LYAR: variants seen among roughly 807,000 people sequenced by gnomAD.
LYAR encodes the protein cell growth-regulating nucleolar protein.
LYAR carries 37 observed loss-of-function variants against 45.2 expected under a neutral mutation model. The ratio of observed to expected loss-of-function variants is 0.82; its 90% CI spans 0.63 to 1.08. LYAR has a LOEUF of 1.08. Among genes scored for constraint, LYAR ranks in the 50% least tolerant of loss-of-function variants. The pLI, the probability that LYAR is intolerant of heterozygous loss-of-function variation, is 0.00. For missense variants in LYAR, 493 were observed against 451.0 expected, an observed-to-expected ratio of 1.09 and a Z score of -0.84; for synonymous variants, 176 against 155.1, an observed-to-expected ratio of 1.14 and a Z score of -1.00.
At chr4:4,280,496 G>A in intron 4 of LYAR, among the ~76,000 whole-genome samples, 1 of 152,244 alleles carries the variant, frequency 6.6e-6, no homozygotes, top group East Asian at 1.9e-4. Context: ...CAACAAAAAT[G>A]CAGATCTCAT....
At chr4:4,274,971 A>G (rs746544832) in intron 6 of LYAR, among the ~76,000 whole-genome samples, 8 of 152,192 alleles carry the variant, frequency 5.3e-5, no homozygotes, top group Non-Finnish European at 1.2e-4. Flanking sequence ...CCCCCAGTCC[A>G]CACCCCTCTG....
rs553655476 is a variant in LYAR, at chr4:4,279,012, G to A, written c.429+435C>T. On this transcript the variant is annotated intron_variant, in intron 6 of 9. Coordinates refer to ENST00000343470, the MANE Select transcript of LYAR (RefSeq NM_017816.3). Reference sequence around the variant, plus strand: ...AGTTTCTTCCTTTCCATAAATGAAGGCACTAAGAGGTTCTCTAAAAAAGAA... The same window carrying A: ...AGTTTCTTCCTTTCCATAAATGAAGACACTAAGAGGTTCTCTAAAAAAGAA... 3.2e-4 allele frequency among the ~76,000 whole-genome samples: 49 copies of A among 152,232 alleles called. 1 individual carries two copies. Among genetic ancestry groups the A allele is most frequent in the Admixed American group, 2.9e-3 (45 of 15,292 alleles).
chr4:4,267,969 G>C lies in LYAR; in HGVS notation c.1060C>G (p.Leu354Val). 1 of 1,612,818 alleles carries C rather than the reference G, an allele frequency of 6.2e-7. No individual in the cohort carries two copies. Among genetic ancestry groups the C allele is most frequent in the Non-Finnish European group, 8.5e-7 (1 of 1,179,648 alleles). Reference protein sequence around the residue: ...TDEHHRSEEELLVIFNKKISK... With the variant: ...TDEHHRSEEEVLVIFNKKISK... ...ATTTTCTTGTTAAAGATGACCAGGA[G>C]TTCCTCTTCGGATCTGTGATGCTCA... Residue 354 changes from leucine to valine, a missense_variant, in exon 10 of 10, where the codon CTC becomes GTC. Physicochemically the swap from Leu to Val is conservative, Grantham distance 32. Transcript: ENST00000343470.
At chr4:4,273,971 T>G (rs1719061302) in intron 7 of LYAR, among the ~76,000 whole-genome samples, 2 of 152,148 alleles carry the variant, frequency 1.3e-5, no homozygotes, top group African/African-American at 4.8e-5. Flanking sequence ...GTGCGGTAGC[T>G]CATGCCTGTA....
chr4:4,280,809 T>A (rs1311900712), intron 4 of LYAR, among the ~76,000 whole-genome samples: 1 of 152,228 alleles, frequency 6.6e-6, no homozygotes, highest in Non-Finnish European at 1.5e-5. Context: ...CTAGTTAATG[T>A]CTGAAAAATT....
chr4:4,268,641 G>C (rs1374938674), intron 8 of LYAR, 26 bp from the exon 9 acceptor site: 1 of 1,458,282 alleles, frequency 6.9e-7, no homozygotes, highest in Non-Finnish European at 9.5e-7. Context: ...TAATATTTAA[G>C]ACATTTCGTT....
intron 7 of LYAR, among the ~76,000 whole-genome samples, chr4:4,274,145 A>G (rs757776754): frequency 2.0e-5 from 3 of 152,036 alleles, no homozygotes; most frequent in African/African-American, 7.2e-5. Context: ...GCTGAGACAG[A>G]AGAATCGCTT....
intron 6 of LYAR, 138 bp from the exon 7 acceptor site, chr4:4,274,907 A>C: frequency 1.4e-6 from 1 of 721,752 alleles, no homozygotes; most frequent in Non-Finnish European, 2.2e-6. Context: ...TATAACTGTG[A>C]CCCCCACCAA....
At chr4:4,270,613 TA>T (rs1293300466) in intron 8 of LYAR, among the ~76,000 whole-genome samples, 2 of 145,778 alleles carry the variant, frequency 1.4e-5, no homozygotes, top group Non-Finnish European at 3.0e-5. Flanking sequence ...GAAAAAAATT[TA>T]AAAAAAGAGA....
At position 4,279,686 on chromosome 4, in the gene LYAR, T is replaced by G. The variant is rs923452403; in HGVS notation, c.301A>C (p.Ile101Leu). 3.1e-6 allele frequency: 5 copies of G among 1,614,012 alleles called. No homozygotes were observed. The African/African-American group carries it at 6.7e-5, about 22-fold the overall frequency. Residue 101 changes from isoleucine (I) to leucine (L), a missense_variant, in exon 5 of 10, where the codon ATT becomes CTT. By Grantham distance (5) the Ile-to-Leu change is conservative (BLOSUM62 2). Coordinates refer to ENST00000343470, the MANE Select transcript of LYAR (RefSeq NM_017816.3). ...SPKVRELLEQ[I>L]SAFDNVPRKK... The stretch of plus-strand genomic sequence containing the variant: ...CTGGGAACGTTGTCAAAAGCACTAA[T>G]TTGCTCTAAAAGTTCTCTCACTTTG...
rs1348598135 is a variant in LYAR, at chr4:4,290,020, G to C, written c.-108+16C>G. ...CCCAGCCTCCCAGGTCGGACCTCTGGGCCACCACCCCTCACCTCTCAGCCA... is the reference window on the plus strand; with the variant it reads ...CCCAGCCTCCCAGGTCGGACCTCTGCGCCACCACCCCTCACCTCTCAGCCA... On this transcript the variant is annotated intron_variant, in intron 1 of 9. Transcript: ENST00000343470. The C allele has an allele frequency of 6.6e-6, 1 of 152,390 alleles. No homozygotes were observed. The highest frequency in any genetic ancestry group is 1.5e-5 in the Non-Finnish European group (1 of 68,188). The allele number at this position is 152,390 out of a possible 1,614,324, so 9.4% of individuals were successfully genotyped here.
intron 3 of LYAR, 41 bp downstream of exon 3, chr4:4,283,580 C>G (rs1027784277): frequency 2.5e-6 from 4 of 1,577,326 alleles, no homozygotes; most frequent in African/African-American, 1.4e-5. Context: ...CAAAACTGAT[C>G]TGGATTTACT....
At chr4:4,283,829 G>A in intron 2 of LYAR, 34 bp from the exon 3 acceptor site, 1 of 990,286 alleles carries the variant, frequency 1.0e-6, no homozygotes, top group Non-Finnish European at 1.4e-6. Flanking sequence ...ATTATAAACT[G>A]AAACTTCTCA....
chr4:4,279,370 C>G, intron 6 of LYAR, 77 bp downstream of exon 6: 2 of 1,046,560 alleles, frequency 1.9e-6, no homozygotes, highest in East Asian at 2.4e-5. Context: ...CCTTGACTTC[C>G]AAAAATAAGA....
At chr4:4,275,160 T>C (rs1719127427) in intron 6 of LYAR, among the ~76,000 whole-genome samples, 1 of 152,188 alleles carries the variant, frequency 6.6e-6, no homozygotes, top group Non-Finnish European at 1.5e-5. Flanking sequence ...TCCAGTTCTA[T>C]TAATTCCTAG....
Position 4,274,392 on chromosome 4 carries a change from C to T in LYAR, c.807G>A (p.Gly269=), listed in dbSNP as rs1719091195. ...ASEEEARVGA[G]KRKRRHSEVE... The stretch of plus-strand genomic sequence containing the variant: ...CTTCCGAGTGCCTCCGCTTCCTCTT[C>T]CCTGCGCCCACGCGTGCCTCTTCCT... The change falls in exon 7 of 10, where the codon GGG becomes GGA. Residue 269 remains glycine, a synonymous_variant. Transcript: ENST00000343470. 1 of 1,613,280 alleles carries T rather than the reference C, an allele frequency of 6.2e-7. No individual in the cohort carries two copies. The highest frequency in any genetic ancestry group is 2.2e-5 in the East Asian group (1 of 44,872).
intron 6 of LYAR, among the ~76,000 whole-genome samples, chr4:4,278,537 A>G (rs1719278290): frequency 6.6e-6 from 1 of 152,036 alleles, no homozygotes; most frequent in South Asian, 2.1e-4. Context: ...CTGCTCATCT[A>G]CCTTAACCGT....
chr4:4,274,802 T>G, intron 6 of LYAR, 33 bp from the exon 7 acceptor site: 3 of 1,553,924 alleles, frequency 1.9e-6, no homozygotes, highest in Non-Finnish European at 2.6e-6. Context: ...AAACACATAT[T>G]CATTTTAAAT....
chr4:4,268,743 A>G (rs1372228420), intron 8 of LYAR, 128 bp from the exon 9 acceptor site: 4 of 621,686 alleles, frequency 6.4e-6, no homozygotes, highest in Non-Finnish European at 8.4e-6. Context: ...ACCAGACTCC[A>G]TAGCACCAAG....
Sources: allele counts gnomAD v4.1 joint callset (sites outside exome capture counted in the v4.1 genomes callset), GRCh38; gene constraint gnomAD v4.1.1; transcripts MANE v1.5; gene names NCBI Gene and HGNC (gene_info 2026-07-23, HGNC 2026-07-21).